BCAR3: variants seen among roughly 807,000 people sequenced by gnomAD.
The protein encoded by BCAR3 is BCAR3 adaptor protein, NSP family member, also known as breast cancer anti-estrogen resistance protein 3.
Under a neutral mutation model 80.1 loss-of-function variants are expected in BCAR3, and 37 were observed. That is an observed-to-expected ratio of 0.46 (90% CI 0.36 to 0.61). The LOEUF (loss-of-function observed/expected upper bound fraction) is 0.61. Ranked by LOEUF, BCAR3 falls within the 20% of genes least tolerant of loss-of-function variation. The probability of loss-of-function intolerance (pLI) is 0.00; values close to 1 mark genes in which losing one functional copy is unlikely to be tolerated. For missense variants in BCAR3, 978 were observed against 1,068.2 expected (o/e 0.92, Z 1.18); for synonymous variants, 389 against 418.9 (o/e 0.93, Z 0.87).
rs1329296823 is a variant in BCAR3, at chr1:93,586,215, C to G, written c.930-2094G>C. Among the ~76,000 whole-genome samples, 2 of 152,136 alleles carry G rather than the reference C, an allele frequency of 1.3e-5. No individual in the cohort carries two copies. The highest frequency in any genetic ancestry group is 3.9e-4 in the East Asian group (2 of 5,188). The stretch of plus-strand genomic sequence containing the variant: ...TCCCCTACTCCCCACCCACTACTAC[C>G]CTTCCCAGGCTCTGCTAACCATCCT... On this transcript the variant is annotated intron_variant, in intron 5 of 11. Coordinates refer to ENST00000260502, the MANE Select transcript of BCAR3 (RefSeq NM_003567.4). The surrounding 1 kb of genome is among the most constrained non-coding windows in gnomAD (Gnocchi z 4.2).
At chr1:93,562,801 A>C (rs1458678847) in intron 11 of BCAR3, among the ~76,000 whole-genome samples, 1 of 150,370 alleles carries the variant, frequency 6.7e-6, no homozygotes, top group African/African-American at 2.4e-5. Context: ...ATAGACTGAA[A>C]GCTTGCTTAA....
chr1:93,584,068 C>T lies in BCAR3; in HGVS notation c.983G>A (p.Arg328Lys). 1 of 1,614,210 alleles carries T rather than the reference C, an allele frequency of 6.2e-7. No homozygotes were observed. The change falls in exon 6 of 12, where the codon AGA (arginine) becomes AAA (lysine). Residue 328 changes from arginine to lysine, a missense_variant. Coordinates refer to ENST00000260502, the MANE Select transcript of BCAR3 (RefSeq NM_003567.4). ...GTGGGCTTTGAGGGACAAGGCTCTT[C>T]TGTCCTGCATGTGATCCAGGCAGGC... ...QPACLDHMQDRRALSLKAHQS... is the reference protein window; with the variant it reads ...QPACLDHMQDKRALSLKAHQS...
At chr1:93,742,238 GA>G (rs1571088787) in intron 2 of BCAR3, among the ~76,000 whole-genome samples, 1 of 152,190 alleles carries the variant, frequency 6.6e-6, no homozygotes, top group African/African-American at 2.4e-5. Context: ...TAAGGTGAGG[GA>G]CATTATGCTT....
rs11802499 is a variant in BCAR3, at chr1:93,662,469, A to T, written c.317+12145T>A. Among the ~76,000 whole-genome samples the T allele has an allele frequency of 7.1e-3, 1,073 of 151,996 alleles. 13 individuals are homozygous for T. The highest frequency in any genetic ancestry group is 0.025 in the African/African-American group (1,022 of 41,460). On this transcript the variant is annotated intron_variant, in intron 2 of 11. Transcript: ENST00000260502. The stretch of plus-strand genomic sequence containing the variant: ...AAATACCAAGATCTCTTTTTTTTTA[A>T]AAAAAAATCTCATTTCTGTTGCTCT...
Position 93,615,136 on chromosome 1 carries a change from A to G in BCAR3, c.358-22743T>C, listed in dbSNP as rs889599223. The stretch of plus-strand genomic sequence containing the variant: ...ATGGAATGTGTCCTGAAGCTTTCTA[A>G]AACTTCACACAGGCAGAAACTTGTA... On this transcript the variant is annotated intron_variant, in intron 3 of 11. Coordinates refer to ENST00000260502, the MANE Select transcript of BCAR3 (RefSeq NM_003567.4). Among the ~76,000 whole-genome samples, 3 of 151,950 alleles carry G rather than the reference A, an allele frequency of 2.0e-5. No individual in the cohort carries two copies. The East Asian group carries it at 5.8e-4, about 29-fold the overall frequency.
At chr1:93,639,539 C>T (rs375810236) in intron 3 of BCAR3, among the ~76,000 whole-genome samples, 1 of 146,272 alleles carries the variant, frequency 6.8e-6, no homozygotes, top group Non-Finnish European at 1.5e-5. Context: ...TGCAATCGTG[C>T]GACTTCAGCT....
intron 11 of BCAR3, among the ~76,000 whole-genome samples, chr1:93,565,967 GTCTT>G (rs1012555488): frequency 6.6e-5 from 10 of 152,300 alleles, no homozygotes; most frequent in Middle Eastern, 3.4e-3. Context: ...TTCCTGAATG[GTCTT>G]TCTGCCAGCA....
intron 8 of BCAR3, among the ~76,000 whole-genome samples, chr1:93,575,759 C>G (rs1673428959): frequency 6.6e-6 from 1 of 152,200 alleles, no homozygotes; most frequent in Non-Finnish European, 1.5e-5. Flanking sequence ...TTCAGGCCAT[C>G]TATTCTCTCC....
chr1:93,793,242 C>T (rs1368799327), intron 2 of BCAR3, among the ~76,000 whole-genome samples: 1 of 57,000 alleles, frequency 1.8e-5, no homozygotes, highest in Non-Finnish European at 2.9e-5. Context: ...CCAGTTCCTC[C>T]TTGCACCTCT....
At chr1:93,763,348 G>A (rs1652023810) in intron 2 of BCAR3, among the ~76,000 whole-genome samples, 1 of 152,182 alleles carries the variant, frequency 6.6e-6, no homozygotes. Context: ...ATAGACATGA[G>A]CATTGCAGCC....
upstream of BCAR3, among the ~76,000 whole-genome samples, chr1:93,686,728 A>T (rs981812328): frequency 6.6e-6 from 1 of 152,200 alleles, no homozygotes; most frequent in African/African-American, 2.4e-5. Flanking sequence ...TTGGCAACAG[A>T]TGTCAAAGCT....
intron 2 of BCAR3, among the ~76,000 whole-genome samples, chr1:93,643,545 CAAAAA>C (rs547667389): frequency 4.0e-4 from 9 of 22,276 alleles, no homozygotes; most frequent in African/African-American, 1.2e-3. Context: ...GACTCTTTCT[CAAAAA>C]AAAAAAAAAA....
chr1:93,770,618 G>A (rs1414594986), intron 2 of BCAR3, among the ~76,000 whole-genome samples: 2 of 152,188 alleles, frequency 1.3e-5, no homozygotes, highest in Non-Finnish European at 2.9e-5. Context: ...TGAACATACA[G>A]AGGGGGTGGG....
intron 2 of BCAR3, among the ~76,000 whole-genome samples, chr1:93,820,365 A>C (rs1219525745): frequency 1.3e-5 from 2 of 151,914 alleles, no homozygotes; most frequent in African/African-American, 4.8e-5. Context: ...AGCCCCATAA[A>C]ACTGACCCCC....
At chr1:93,590,094 C>A (rs1377502606) in intron 4 of BCAR3, among the ~76,000 whole-genome samples, 1 of 152,132 alleles carries the variant, frequency 6.6e-6, no homozygotes, top group East Asian at 1.9e-4. Context: ...TCTGGACACA[C>A]CAATTACTGG....
intron 2 of BCAR3, among the ~76,000 whole-genome samples, chr1:93,752,137 T>A (rs4348734): frequency 0.12 from 17,824 of 152,256 alleles, 1,468 homozygotes; most frequent in African/African-American, 0.22. Context: ...AAGGCAGGCA[T>A]GAAAGAAGCT....
intron 3 of BCAR3, among the ~76,000 whole-genome samples, chr1:93,641,896 A>AGTTTCAG (rs1675991390): frequency 6.6e-6 from 1 of 152,206 alleles, no homozygotes; most frequent in East Asian, 1.9e-4. Flanking sequence ...GCAAAATGTG[A>AGTTTCAG]CCTGAACTAC....
intron 2 of BCAR3, among the ~76,000 whole-genome samples, chr1:93,758,113 C>T (rs181636624): frequency 1.3e-5 from 2 of 152,266 alleles, no homozygotes; most frequent in African/African-American, 4.8e-5. Context: ...AAGGCAACTC[C>T]CAGGGAAGGA....
chr1:93,747,797 C>G (rs1651409928), intron 2 of BCAR3, among the ~76,000 whole-genome samples: 1 of 151,744 alleles, frequency 6.6e-6, no homozygotes, highest in Non-Finnish European at 1.5e-5. Context: ...CCATCTCCTG[C>G]CACTTCCCCC....
Sources: allele counts gnomAD v4.1 joint callset (sites outside exome capture counted in the v4.1 genomes callset), GRCh38; gene constraint gnomAD v4.1.1; non-coding constraint Gnocchi (gnomAD v3.1); transcripts MANE v1.5; gene names NCBI Gene and HGNC (gene_info 2026-07-23, HGNC 2026-07-21).